The following BID variants were observed in gnomAD, a reference collection of about 807,000 sequenced individuals.
BID encodes the protein BH3 interacting domain death agonist.
A neutral mutation model predicts 17.4 loss-of-function variants in BID; 19 were observed. The ratio of observed to expected loss-of-function variants is 1.09; its 90% CI spans 0.76 to 1.60. The LOEUF is 1.60. BID is among the 40% of genes most tolerant of loss of function. The pLI, the probability that BID is intolerant of heterozygous loss-of-function variation, is 0.00. For missense variants in BID, 226 were observed against 256.0 expected (o/e 0.88, Z 0.80); for synonymous variants, 108 against 102.8 (o/e 1.05, Z -0.31).
chr22:17,757,335 G>A (rs1387147862), intron 1 of BID, among the ~76,000 whole-genome samples: 1 of 149,540 alleles, frequency 6.7e-6, no homozygotes, highest in Non-Finnish European at 1.5e-5. Flanking sequence ...CCCGGGAGGT[G>A]GAGGTTACAG....
intron 2 of BID, among the ~76,000 whole-genome samples, chr22:17,749,681 CTTTCGTG>C (rs2061522148): frequency 6.6e-6 from 1 of 152,210 alleles, no homozygotes; most frequent in Non-Finnish European, 1.5e-5. Context: ...TCTTAAATCT[CTTTCGTG>C]TTTGTTTGGA....
upstream of BID, chr22:17,774,506 G>T (rs1275996768): frequency 9.7e-6 from 2 of 206,646 alleles, no homozygotes; most frequent in Non-Finnish European, 2.0e-5. Flanking sequence ...GGCCCCCCAC[G>T]CCCGGGCCCG....
chr22:17,735,336 T>A lies in BID; in HGVS notation c.*244A>T. ...AGATTTACAGATGTGCAGATTCATGTGTGGATGATATGAAGGCCATTCAAA... is the reference window on the plus strand; with the variant it reads ...AGATTTACAGATGTGCAGATTCATGAGTGGATGATATGAAGGCCATTCAAA... On this transcript the variant is annotated 3_prime_UTR_variant, in exon 6 of 6. Coordinates refer to ENST00000622694, the MANE Select transcript of BID (RefSeq NM_001196.4). The A allele has an allele frequency of 6.1e-6, 3 of 495,776 alleles. No homozygotes were observed. Among genetic ancestry groups the A allele is most frequent in the East Asian group, 3.3e-5 (1 of 30,058 alleles). The allele number at this position is 495,776 out of a possible 1,614,324, so 30.7% of individuals were successfully genotyped here. A position where few individuals can be genotyped will look rare whatever the true frequency, so the allele number is the denominator to read the frequency against.
chr22:17,754,954 G>A (rs867495775), intron 1 of BID, among the ~76,000 whole-genome samples: 10 of 151,824 alleles, frequency 6.6e-5, no homozygotes, highest in Admixed American at 3.9e-4. Flanking sequence ...TAGTAGAGAC[G>A]GACTTTCACT....
At chr22:17,750,918 C>T (rs1338090215) in intron 1 of BID, among the ~76,000 whole-genome samples, 2 of 152,042 alleles carry the variant, frequency 1.3e-5, no homozygotes, top group Admixed American at 1.3e-4. Flanking sequence ...GCCCTGTGGG[C>T]CCAGCTACTT....
chr22:17,735,889 T>A (rs1031251013), intron 5 of BID, among the ~76,000 whole-genome samples: 4 of 152,190 alleles, frequency 2.6e-5, no homozygotes, highest in Non-Finnish European at 4.4e-5. Context: ...AAGCTGTCCA[T>A]ACAGACTGCT....
chr22:17,767,823 C>T (rs1413125905), intron 1 of BID, among the ~76,000 whole-genome samples: 1 of 152,144 alleles, frequency 6.6e-6, no homozygotes, highest in East Asian at 1.9e-4. Context: ...CCTCTGGTAG[C>T]CAAGAAAAGG....
chr22:17,755,082 C>CTTTTTTTTTTT (rs59654004), intron 1 of BID, among the ~76,000 whole-genome samples: 6 of 99,252 alleles, frequency 6.0e-5, no homozygotes, highest in African/African-American at 1.5e-4. Flanking sequence ...TTTTTCTTTT[C>CTTTTTTTTTTT]TTTTTTTTTT....
At position 17,773,293 on chromosome 22, in the gene BID, G is replaced by A. The variant is rs1162618479; in HGVS notation, c.-59+1088C>T. On this transcript the variant is annotated intron_variant, in intron 1 of 5. Transcript: ENST00000622694. The surrounding 1 kb of genome is among the most constrained non-coding windows in gnomAD (Gnocchi z 4.4). Reference sequence around the variant, plus strand: ...CGCTCCCCACACCCTTAAGACCCCAGCTCAGGGAATCTGGTCTCGGTCATC... The same window carrying A: ...CGCTCCCCACACCCTTAAGACCCCAACTCAGGGAATCTGGTCTCGGTCATC... Among the ~76,000 whole-genome samples, 1 of 152,026 alleles carries A rather than the reference G, an allele frequency of 6.6e-6. No homozygotes were observed. The highest frequency in any genetic ancestry group is 6.6e-5 in the Admixed American group (1 of 15,264).
rs1601828366 is a variant in BID, at chr22:17,734,739, G to A, written c.*841C>T. The A allele has an allele frequency of 6.6e-6, 1 of 152,212 alleles. No individual in the cohort carries two copies. Among genetic ancestry groups the A allele is most frequent in the South Asian group, 2.1e-4 (1 of 4,822 alleles). The allele number at this position is 152,212 out of a possible 1,614,324, so 9.4% of individuals were successfully genotyped here. A position where few individuals can be genotyped will look rare whatever the true frequency, so the allele number is the denominator to read the frequency against. The stretch of plus-strand genomic sequence containing the variant: ...GGAAGTTTACAGCTATTACCAGGGG[G>A]CTAACTCCCGGGGCATCGCAGTAGC... On this transcript the variant is annotated 3_prime_UTR_variant, in exon 6 of 6. Transcript: ENST00000622694.
chr22:17,748,649 G>A (rs1386079041), intron 2 of BID, among the ~76,000 whole-genome samples: 2 of 152,220 alleles, frequency 1.3e-5, no homozygotes, highest in Non-Finnish European at 2.9e-5. Context: ...GCGGGCTGCC[G>A]TACTGCTGCC....
intron 1 of BID, among the ~76,000 whole-genome samples, chr22:17,753,109 G>T (rs2061553369): frequency 6.7e-6 from 1 of 149,702 alleles, no homozygotes; most frequent in Non-Finnish European, 1.5e-5. Context: ...TAGGACTACA[G>T]GCGCCCACCA....
intron 1 of BID, among the ~76,000 whole-genome samples, chr22:17,770,851 G>T (rs1041152398): frequency 3.9e-5 from 6 of 152,190 alleles, no homozygotes; most frequent in African/African-American, 1.4e-4. Context: ...CTGAGCCACA[G>T]GCTGGGGGAT....
At chr22:17,770,066 C>T (rs896760623) in intron 1 of BID, among the ~76,000 whole-genome samples, 43 of 152,234 alleles carry the variant, frequency 2.8e-4, no homozygotes, top group African/African-American at 1.0e-3. Context: ...CCATATGCTA[C>T]CCCTGCCTAC....
chr22:17,762,774 T>C (rs538799938), intron 1 of BID, among the ~76,000 whole-genome samples: 1 of 152,118 alleles, frequency 6.6e-6, no homozygotes, highest in East Asian at 1.9e-4. Context: ...AAAGCCTACT[T>C]AATCAAACGC....
At chr22:17,739,292 G>A in intron 4 of BID, 57 bp downstream of exon 4, 2 of 1,483,724 alleles carry the variant, frequency 1.3e-6, no homozygotes, top group East Asian at 5.0e-5. Context: ...TGAGAGGCAG[G>A]GGACAGGCCC....
In BID at chr22:17,738,042, G is replaced by T. The variant is rs1228391650; in HGVS notation, c.551C>A (p.Thr184Asn). ...TVNFINQNLR[T>N]YVRSLARNGM... ...ATTTCTGGCTAAGCTCCTCACGTAG[G>T]TGCGTAGGTTCTGGTTAATAAAATT... Residue 184 changes from threonine to asparagine, a missense_variant, in exon 5 of 6, where the codon ACC becomes AAC. Coordinates refer to ENST00000622694, the MANE Select transcript of BID (RefSeq NM_001196.4). The T allele has an allele frequency of 1.2e-6, 2 of 1,614,072 alleles. No individual in the cohort carries two copies. Among genetic ancestry groups the T allele is most frequent in the African/African-American group, 2.7e-5 (2 of 74,938 alleles).
At chr22:17,742,886 AG>A (rs1399192043) in intron 3 of BID, among the ~76,000 whole-genome samples, 2 of 152,266 alleles carry the variant, frequency 1.3e-5, no homozygotes, top group East Asian at 3.8e-4. Flanking sequence ...CCCTGTCCAT[AG>A]AAGCAGCCCC....
At chr22:17,738,370 G>T in intron 4 of BID, 141 bp from the exon 5 acceptor site, 1 of 795,492 alleles carries the variant, frequency 1.3e-6, no homozygotes, top group Non-Finnish European at 2.0e-6. Context: ...AAACAGTTGA[G>T]TTCTGAGAGG....
Sources: allele counts gnomAD v4.1 joint callset (sites outside exome capture counted in the v4.1 genomes callset), GRCh38; gene constraint gnomAD v4.1.1; non-coding constraint Gnocchi (gnomAD v3.1); transcripts MANE v1.5; gene names NCBI Gene and HGNC (gene_info 2026-07-23, HGNC 2026-07-21).